The following CAMK1D variants were observed in gnomAD, a reference collection of about 807,000 sequenced individuals.
CAMK1D encodes calcium/calmodulin dependent protein kinase ID, also known as calcium/calmodulin-dependent protein kinase type 1D.
Under a neutral mutation model 47.7 loss-of-function variants are expected in CAMK1D, and 9 were observed. The ratio of observed to expected loss-of-function variants is 0.19; its 90% CI spans 0.11 to 0.33. The LOEUF (loss-of-function observed/expected upper bound fraction) is 0.33, where lower values mean the gene tolerates loss of function less well. Ranked by LOEUF, CAMK1D falls within the 10% of genes least tolerant of loss-of-function variation. The pLI is 1.00. For missense variants in CAMK1D, 291 were observed against 488.7 expected, an observed-to-expected ratio of 0.60 and a Z score of 3.81; for synonymous variants, 184 against 184.9, an observed-to-expected ratio of 0.99 and a Z score of 0.04.
At chr10:12,515,424 T>TC (rs1179089452) in intron 1 of CAMK1D, among the ~76,000 whole-genome samples, 7 of 141,534 alleles carry the variant, frequency 4.9e-5, no homozygotes, top group African/African-American at 1.9e-4. Flanking sequence ...TTTTCTTTTT[T>TC]TTTTTCATTA....
At chr10:12,356,445 G>A (rs1048434142) in intron 1 of CAMK1D, among the ~76,000 whole-genome samples, 5 of 152,226 alleles carry the variant, frequency 3.3e-5, no homozygotes, top group African/African-American at 1.2e-4. Context: ...CTCCCCTGGG[G>A]AGGGATTTCT....
At chr10:12,397,678 C>A (rs552042810) in intron 1 of CAMK1D, among the ~76,000 whole-genome samples, 3 of 152,246 alleles carry the variant, frequency 2.0e-5, no homozygotes, top group Non-Finnish European at 2.9e-5. Flanking sequence ...AATGAGTGAA[C>A]CTCCTTGAAG....
At chr10:12,366,954 G>A (rs1348895506) in intron 1 of CAMK1D, among the ~76,000 whole-genome samples, 1 of 152,118 alleles carries the variant, frequency 6.6e-6, no homozygotes, top group Non-Finnish European at 1.5e-5. Context: ...CGTGTAGCTT[G>A]GCAGTGATGG....
intron 3 of CAMK1D, among the ~76,000 whole-genome samples, chr10:12,694,181 T>TATTAC (rs1833107368): frequency 4.0e-5 from 2 of 49,652 alleles, no homozygotes; most frequent in Non-Finnish European, 6.8e-5. Flanking sequence ...ATATATTATA[T>TATTAC]ATAATATAAT....
chr10:12,542,112 T>C (rs901081043), intron 1 of CAMK1D, among the ~76,000 whole-genome samples: 1 of 151,568 alleles, frequency 6.6e-6, no homozygotes, highest in African/African-American at 2.4e-5. Flanking sequence ...CTCCTGGTCT[T>C]AAGTGATCCT....
At chr10:12,530,940 C>T (rs1000353553) in intron 1 of CAMK1D, among the ~76,000 whole-genome samples, 1 of 151,934 alleles carries the variant, frequency 6.6e-6, no homozygotes, top group Non-Finnish European at 1.5e-5. Context: ...GCCTGTAATC[C>T]CAGCTACTCA....
chr10:12,483,549 A>C (rs1834124007), intron 1 of CAMK1D, among the ~76,000 whole-genome samples: 1 of 151,794 alleles, frequency 6.6e-6, no homozygotes, highest in African/African-American at 2.4e-5. Flanking sequence ...TTTTTTGTAG[A>C]GATGTGGTCT....
At chr10:12,398,197 A>G (rs899034400) in intron 1 of CAMK1D, among the ~76,000 whole-genome samples, 1 of 151,376 alleles carries the variant, frequency 6.6e-6, no homozygotes, top group African/African-American at 2.4e-5. Context: ...TGGAATTTCT[A>G]CCTCATTCTT....
Position 12,545,159 on chromosome 10 carries a change from C to T in CAMK1D, c.93-8066C>T, listed in dbSNP as rs1392872556. Among the ~76,000 whole-genome samples, 11 of 42,498 alleles carry T rather than the reference C, an allele frequency of 2.6e-4. No individual in the cohort carries two copies. The East Asian group carries it at 4.3e-3, about 17-fold the overall frequency. 27.9% of individuals were successfully genotyped at this position (42,498 alleles called of 152,430 possible). On this transcript the variant is annotated intron_variant, in intron 1 of 10. Transcript: ENST00000619168. ...ATGTGTACATGGGATAGGTAATGTA[C>T]GTTTAAGCCACATTTTTTTCAGAAT...
chr10:12,482,978 G>A (rs143770937), intron 1 of CAMK1D, among the ~76,000 whole-genome samples: 1 of 152,022 alleles, frequency 6.6e-6, no homozygotes. Context: ...CCCACATTAC[G>A]GTGCTAGCTA....
chr10:12,813,948 T>A (rs1208734530), intron 6 of CAMK1D, among the ~76,000 whole-genome samples: 2 of 151,290 alleles, frequency 1.3e-5, no homozygotes, highest in African/African-American at 4.9e-5. Flanking sequence ...AGCTGATTTT[T>A]TTTTTTTTTT....
intron 2 of CAMK1D, among the ~76,000 whole-genome samples, chr10:12,663,934 A>G (rs1840351355): frequency 1.3e-5 from 2 of 152,194 alleles, no homozygotes; most frequent in Admixed American, 1.3e-4. Flanking sequence ...AATTTTTTTT[A>G]ACCATGTTTG....
intron 8 of CAMK1D, among the ~76,000 whole-genome samples, chr10:12,819,770 G>T (rs1832949921): frequency 6.6e-6 from 1 of 152,118 alleles, no homozygotes; most frequent in Non-Finnish European, 1.5e-5. Flanking sequence ...TGGGAGCGTG[G>T]CCAGAGGTGC....
At chr10:12,761,615 G>A (rs545785354) in intron 4 of CAMK1D, among the ~76,000 whole-genome samples, 3 of 152,280 alleles carry the variant, frequency 2.0e-5, no homozygotes, top group Non-Finnish European at 2.9e-5. Context: ...CTGGCTGGGC[G>A]TGGTGGCTCA....
intron 6 of CAMK1D, among the ~76,000 whole-genome samples, chr10:12,813,863 G>A (rs943537086): frequency 4.0e-5 from 6 of 151,442 alleles, no homozygotes; most frequent in African/African-American, 1.5e-4. Context: ...CAGGCTCAAG[G>A]ATTCTCCCTT....
At chr10:12,765,947 C>A (rs1303343113) in intron 4 of CAMK1D, among the ~76,000 whole-genome samples, 1 of 149,532 alleles carries the variant, frequency 6.7e-6, no homozygotes, top group African/African-American at 2.5e-5. Context: ...GCTGGCTGCC[C>A]CCATCCTAAT....
At position 12,700,172 on chromosome 10, in the gene CAMK1D, G is replaced by A. The variant is rs139011870; in HGVS notation, c.299+33362G>A. On this transcript the variant is annotated intron_variant, in intron 3 of 10. Transcript: ENST00000619168. ...AACACACATATTTTCTCTGTAAGGC[G>A]TCATAGATTAGTCCATTCTCATGCT... 3.0e-3 allele frequency among the ~76,000 whole-genome samples: 453 copies of A among 152,214 alleles called. 8 individuals carry two copies. Among genetic ancestry groups the A allele is most frequent in the Admixed American group, 0.027 (415 of 15,284 alleles).
rs1456920279 is a variant in CAMK1D, at chr10:12,442,959, T to C, written c.92+93049T>C. On this transcript the variant is annotated intron_variant, in intron 1 of 10. Transcript: ENST00000619168. ...TCTTTGCTTTCTTCCCATTTTATCTTGTCTTCTCATTTCTTTTACTTTTCT... is the reference window on the plus strand; with the variant it reads ...TCTTTGCTTTCTTCCCATTTTATCTCGTCTTCTCATTTCTTTTACTTTTCT... Among the ~76,000 whole-genome samples, 3 of 152,210 alleles carry C rather than the reference T, an allele frequency of 2.0e-5. No individual in the cohort carries two copies. In the South Asian group the frequency reaches 6.2e-4, roughly 31 times the overall value.
At chr10:12,525,215 G>C (rs1019526066) in intron 1 of CAMK1D, among the ~76,000 whole-genome samples, 1 of 152,102 alleles carries the variant, frequency 6.6e-6, no homozygotes, top group African/African-American at 2.4e-5. Flanking sequence ...TCTTTTCTTT[G>C]AGTTTATTTT....
Sources: gnomAD v4.1 joint callset for allele counts (sites outside exome capture counted in the v4.1 genomes callset) on GRCh38, gnomAD v4.1.1 for gene constraint, MANE v1.5 for transcripts, NCBI Gene and HGNC (gene_info 2026-07-23, HGNC 2026-07-21) for gene names.